Variants in CCDC149 observed in about 807,000 individuals in gnomAD.
CCDC149 encodes coiled-coil domain containing 149.
CCDC149 carries 45 observed loss-of-function variants against 59.9 expected under a neutral mutation model. That is an observed-to-expected ratio of 0.75 (90% CI 0.59 to 0.96). CCDC149 has a LOEUF of 0.96. Among genes scored for constraint, CCDC149 ranks in the 40% least tolerant of loss-of-function variants. CCDC149 has a pLI of 0.00. For missense variants in CCDC149, 584 were observed against 664.7 expected, an observed-to-expected ratio of 0.88 and a Z score of 1.33; for synonymous variants, 245 against 260.6, an observed-to-expected ratio of 0.94 and a Z score of 0.58.
At chr4:24,857,353 G>T (rs1718075763) in intron 3 of CCDC149, among the ~76,000 whole-genome samples, 1 of 152,080 alleles carries the variant, frequency 6.6e-6, no homozygotes, top group Admixed American at 6.5e-5. Context: ...AAGACAAGAA[G>T]ATAAAACCCC....
At chr4:24,855,191 C>T (rs1163332037) in intron 3 of CCDC149, among the ~76,000 whole-genome samples, 2 of 152,130 alleles carry the variant, frequency 1.3e-5, no homozygotes, top group African/African-American at 2.4e-5. Flanking sequence ...GGAGGTTGCA[C>T]TCTCCCTAGG....
intron 1 of CCDC149, among the ~76,000 whole-genome samples, chr4:24,889,069 T>A (rs914827213): frequency 6.6e-6 from 1 of 152,226 alleles, no homozygotes; most frequent in Non-Finnish European, 1.5e-5. Flanking sequence ...GAGTTTATAA[T>A]GTGAACTACA....
At chr4:24,911,360 G>A (rs1033425135) in intron 1 of CCDC149, among the ~76,000 whole-genome samples, 3 of 152,146 alleles carry the variant, frequency 2.0e-5, no homozygotes, top group Admixed American at 6.5e-5. Flanking sequence ...TTCTTTGAGG[G>A]TAGGGGAGTT....
intron 1 of CCDC149, chr4:24,894,858 C>T: frequency 8.9e-7 from 1 of 1,126,032 alleles, no homozygotes; most frequent in Non-Finnish European, 1.2e-6. Flanking sequence ...GTCGCTGACA[C>T]CCCTGCAGCC....
chr4:24,858,121 A>C (rs763466013), intron 3 of CCDC149, among the ~76,000 whole-genome samples: 7 of 152,216 alleles, frequency 4.6e-5, no homozygotes, highest in Non-Finnish European at 7.4e-5. Flanking sequence ...CCCATGACTC[A>C]CACACATTCA....
rs1170833561 is a variant in CCDC149, at chr4:24,806,636, G to C, written c.*1753C>G. ...GAATGATTTCTGTGACTGCTGGTCTGTGCAAGCCCTCCAGCTGCGGGAGCA... is the reference window on the plus strand; with the variant it reads ...GAATGATTTCTGTGACTGCTGGTCTCTGCAAGCCCTCCAGCTGCGGGAGCA... On this transcript the variant is annotated 3_prime_UTR_variant, in exon 13 of 13. Coordinates refer to ENST00000635206, the MANE Select transcript of CCDC149 (RefSeq NM_001330643.2). 1 of 152,560 alleles carries C rather than the reference G, an allele frequency of 6.6e-6. No individual in the cohort carries two copies. Among genetic ancestry groups the C allele is most frequent in the East Asian group, 1.9e-4 (1 of 5,202 alleles). The allele number at this position is 152,560 out of a possible 1,614,324, so 9.5% of individuals were successfully genotyped here. A position where few individuals can be genotyped will look rare whatever the true frequency, so the allele number is the denominator to read the frequency against.
At chr4:24,815,182 T>C (rs1714935549) in intron 12 of CCDC149, among the ~76,000 whole-genome samples, 3 of 152,254 alleles carry the variant, frequency 2.0e-5, no homozygotes, top group South Asian at 2.1e-4. Context: ...TTCGTTAATA[T>C]ATGAAAGCAA....
At chr4:24,825,617 C>CA (rs1715681070) in intron 9 of CCDC149, among the ~76,000 whole-genome samples, 1 of 151,712 alleles carries the variant, frequency 6.6e-6, no homozygotes, top group African/African-American at 2.4e-5. Context: ...ACTAAAAATA[C>CA]AAAAAATTAG....
At chr4:24,949,932 G>C (rs1359805475) in intron 1 of CCDC149, among the ~76,000 whole-genome samples, 1 of 152,190 alleles carries the variant, frequency 6.6e-6, no homozygotes, top group Admixed American at 6.5e-5. Flanking sequence ...TGCACAGAGG[G>C]GACAGCAGAG....
chr4:24,905,410 CGTGCGTGTGTGT>C (rs202015185), intron 1 of CCDC149, among the ~76,000 whole-genome samples: 12,741 of 93,728 alleles, frequency 0.14, 634 homozygotes, highest in African/African-American at 0.18. Flanking sequence ...TTTTTGCGTG[CGTGCGTGTGTGT>C]GTGTGTGTGT....
Position 24,813,499 on chromosome 4 carries a change from T to TATATATATATATATATAC in CCDC149, c.1193-4681_1193-4680insGTATATATATATATATAT, listed in dbSNP as rs1553846363. On this transcript the variant is annotated intron_variant, in intron 12 of 12. Transcript: ENST00000635206. ...AGGTTCAGCTTGGGGAATATATATA[T>TATATATATATATATATAC]ATATATATATATATATATATATATA... 8.0e-3 allele frequency among the ~76,000 whole-genome samples: 146 copies of TATATATATATATATATAC among 18,274 alleles called. 2 individuals carry two copies. Among genetic ancestry groups the TATATATATATATATATAC allele is most frequent in the African/African-American group, 0.017 (135 of 8,078 alleles). 12.0% of individuals were successfully genotyped at this position (18,274 alleles called of 152,430 possible).
intron 1 of CCDC149, among the ~76,000 whole-genome samples, chr4:24,968,646 A>G (rs999456698): frequency 6.6e-6 from 1 of 152,194 alleles, no homozygotes; most frequent in Admixed American, 6.5e-5. Flanking sequence ...CCAAGGTGTT[A>G]CTGCTGCCTA....
At chr4:24,947,640 G>GA (rs1413808604) in intron 1 of CCDC149, among the ~76,000 whole-genome samples, 2 of 152,140 alleles carry the variant, frequency 1.3e-5, no homozygotes, top group Non-Finnish European at 2.9e-5. Flanking sequence ...AGGGTTGCCT[G>GA]AATCACCTCA....
intron 12 of CCDC149, among the ~76,000 whole-genome samples, chr4:24,818,238 TGA>T (rs1715140619): frequency 6.6e-6 from 1 of 152,024 alleles, no homozygotes; most frequent in Non-Finnish European, 1.5e-5. Context: ...CCTGAGAAGC[TGA>T]GAGGGTGACA....
chr4:24,959,888 G>T (rs534119472), intron 1 of CCDC149, among the ~76,000 whole-genome samples: 1 of 152,264 alleles, frequency 6.6e-6, no homozygotes, highest in South Asian at 2.1e-4. Flanking sequence ...CAGTAGACCT[G>T]CACTACAACA....
chr4:24,891,055 C>T (rs903245924), intron 1 of CCDC149, among the ~76,000 whole-genome samples: 4 of 152,220 alleles, frequency 2.6e-5, no homozygotes, highest in East Asian at 1.9e-4. Context: ...CCTCTCACTG[C>T]GCCTTGCTCA....
chr4:24,973,872 A>C (rs1272103539), intron 1 of CCDC149, among the ~76,000 whole-genome samples: 1 of 152,210 alleles, frequency 6.6e-6, no homozygotes, highest in African/African-American at 2.4e-5. Flanking sequence ...GGGGTTATGG[A>C]AGTGAACAGA....
rs944062088 is a variant in CCDC149, at chr4:24,957,276, G to C, written c.-65+22793C>G. ...GATAGAAATGGTACCTCTGGGGTTA[G>C]AGGGCATAAGTCATCTCCCCAAACC... On this transcript the variant is annotated intron_variant, in intron 1 of 12. Coordinates refer to the CCDC149 transcript ENST00000389609. Among the ~76,000 whole-genome samples, 5 of 152,216 alleles carry C rather than the reference G, an allele frequency of 3.3e-5. No homozygotes were observed. In the South Asian group the frequency reaches 1.0e-3, roughly 31 times the overall value.
rs557198558 is a variant in CCDC149 at position 24,877,630 on chromosome 4, C to G, written c.64-933G>C. The stretch of plus-strand genomic sequence containing the variant: ...TTCATCCACTAACATGGCCCTGATG[C>G]GTTTAACTTTTCCTATGATTCAAAT... On this transcript the variant is annotated intron_variant, in intron 1 of 12. Transcript: ENST00000635206. Among the ~76,000 whole-genome samples the G allele has an allele frequency of 1.3e-4, 20 of 152,340 alleles. No individual in the cohort carries two copies. The South Asian group carries it at 4.1e-3, about 32-fold the overall frequency.
Sources: gnomAD v4.1 joint callset for allele counts (sites outside exome capture counted in the v4.1 genomes callset) on GRCh38, gnomAD v4.1.1 for gene constraint, MANE v1.5 for transcripts, NCBI Gene and HGNC (gene_info 2026-07-23, HGNC 2026-07-21) for gene names.